The following CAMTA1 variants were observed in gnomAD, a reference collection of about 807,000 sequenced individuals.
CAMTA1 encodes calmodulin binding transcription activator 1.
In CAMTA1, 27 loss-of-function variants were observed where a neutral mutation model predicts 170.9. That is an observed-to-expected ratio of 0.16 (90% CI 0.12 to 0.22). The LOEUF (loss-of-function observed/expected upper bound fraction) is 0.22, where lower values mean the gene tolerates loss of function less well. Among genes scored for constraint, CAMTA1 ranks in the 10% least tolerant of loss-of-function variants. CAMTA1 has a pLI of 1.00. For missense variants in CAMTA1, 1,619 were observed against 2,217.2 expected (o/e 0.73, Z 5.42); for synonymous variants, 833 against 891.5 (o/e 0.93, Z 1.17).
chr1:6,941,766 G>A (rs1271847434), intron 3 of CAMTA1, among the ~76,000 whole-genome samples: 1 of 152,244 alleles, frequency 6.6e-6, no homozygotes, highest in Non-Finnish European at 1.5e-5. Context: ...GAAGGGTGGA[G>A]GCCGTACAGG....
chr1:6,866,097 G>A (rs994763579), intron 3 of CAMTA1, among the ~76,000 whole-genome samples: 9 of 152,202 alleles, frequency 5.9e-5, no homozygotes, highest in Admixed American at 5.9e-4. Flanking sequence ...GAGGGTATAT[G>A]TTGGGACTGG....
intron 3 of CAMTA1, among the ~76,000 whole-genome samples, chr1:7,027,771 G>A (rs1362607025): frequency 6.6e-6 from 1 of 152,188 alleles, no homozygotes; most frequent in African/African-American, 2.4e-5. Context: ...GTGGGATGCA[G>A]CCATCTGTCT....
intron 4 of CAMTA1, among the ~76,000 whole-genome samples, chr1:7,235,685 A>G (rs918168360): frequency 3.3e-5 from 5 of 152,224 alleles, no homozygotes; most frequent in Non-Finnish European, 5.9e-5. Flanking sequence ...GCTCTTCGGA[A>G]GCACCAGCTT....
intron 7 of CAMTA1, among the ~76,000 whole-genome samples, chr1:7,648,079 T>C (rs2095821916): frequency 1.3e-5 from 2 of 151,676 alleles, no homozygotes; most frequent in African/African-American, 4.9e-5. Flanking sequence ...AGCAAGACCT[T>C]GTCTAAAGAA....
intron 6 of CAMTA1, among the ~76,000 whole-genome samples, chr1:7,596,536 G>A (rs887073892): frequency 6.6e-6 from 1 of 152,194 alleles, no homozygotes; most frequent in Admixed American, 6.5e-5. Context: ...GCCCTGTGCT[G>A]TGGCCTTCCC....
At chr1:7,764,004 G>A (rs1240891110) in intron 22 of CAMTA1, among the ~76,000 whole-genome samples, 4 of 152,234 alleles carry the variant, frequency 2.6e-5, no homozygotes, top group Admixed American at 6.5e-5. Flanking sequence ...GTCCAGAAGC[G>A]AAGTTGGCAT....
intron 21 of CAMTA1, among the ~76,000 whole-genome samples, chr1:7,752,755 A>G (rs1486253533): frequency 6.6e-6 from 1 of 152,136 alleles, no homozygotes; most frequent in East Asian, 1.9e-4. Context: ...AACAATGGAG[A>G]TTCATGCCCG....
chr1:7,205,803 G>T (rs1182231869), intron 4 of CAMTA1, among the ~76,000 whole-genome samples: 1 of 152,114 alleles, frequency 6.6e-6, no homozygotes, highest in Non-Finnish European at 1.5e-5. Context: ...AGATCAAAAA[G>T]AAATTAACCC....
At chr1:7,599,322 A>G (rs1003157444) in intron 6 of CAMTA1, among the ~76,000 whole-genome samples, 2 of 152,206 alleles carry the variant, frequency 1.3e-5, no homozygotes, top group Admixed American at 1.3e-4. Flanking sequence ...TACCAGTACC[A>G]TGCTGTTTTG....
At chr1:7,450,152 C>T (rs749458316) in intron 5 of CAMTA1, among the ~76,000 whole-genome samples, 52 of 152,162 alleles carry the variant, frequency 3.4e-4, no homozygotes, top group Non-Finnish European at 6.6e-4. Context: ...GTCTGAATCC[C>T]TGTGGAATGT....
intron 5 of CAMTA1, among the ~76,000 whole-genome samples, chr1:7,416,482 C>T (rs1294543528): frequency 6.6e-6 from 1 of 152,106 alleles, no homozygotes; most frequent in East Asian, 1.9e-4. Context: ...TTTCTCTAAA[C>T]TTCTCTTCTC....
chr1:7,568,963 A>G (rs2095087108), intron 6 of CAMTA1, among the ~76,000 whole-genome samples: 2 of 151,180 alleles, frequency 1.3e-5, no homozygotes, highest in Admixed American at 6.6e-5. Flanking sequence ...CTCCATTATC[A>G]TCATCACCAC....
At chr1:7,552,494 G>A (rs907864087) in intron 6 of CAMTA1, among the ~76,000 whole-genome samples, 11 of 152,216 alleles carry the variant, frequency 7.2e-5, no homozygotes, top group African/African-American at 1.4e-4. Context: ...CTGTGTGTGC[G>A]CCTGACACAC....
rs1442477238 is a variant in CAMTA1 at position 7,591,403 on chromosome 1, A to G, written c.511-48997A>G. On this transcript the variant is annotated intron_variant, in intron 6 of 22. Transcript: ENST00000303635. ...AGCCCATTCCTTTGTGGTTGCACAG[A>G]GGGAATTTTAACAAGTTCTTGGATA... Among the ~76,000 whole-genome samples the G allele has an allele frequency of 5.9e-5, 9 of 152,368 alleles. No homozygotes were observed. In the East Asian group the frequency reaches 1.2e-3, roughly 20 times the overall value.
intron 6 of CAMTA1, among the ~76,000 whole-genome samples, chr1:7,630,182 C>T (rs1576483961): frequency 6.6e-6 from 1 of 152,222 alleles, no homozygotes; most frequent in Non-Finnish European, 1.5e-5. Context: ...CGGGCAGCGC[C>T]CCTCCAGGAT....
At chr1:6,919,144 C>T (rs1057181387) in intron 3 of CAMTA1, among the ~76,000 whole-genome samples, 1 of 152,232 alleles carries the variant, frequency 6.6e-6, no homozygotes, top group African/African-American at 2.4e-5. Context: ...AGCCGCCCTG[C>T]CTCTGACAGG....
intron 6 of CAMTA1, among the ~76,000 whole-genome samples, chr1:7,492,892 C>T (rs1446815664): frequency 1.3e-5 from 2 of 151,192 alleles, no homozygotes; most frequent in Non-Finnish European, 2.9e-5. Context: ...CAAACACAAA[C>T]CTACATACAC....
intron 4 of CAMTA1, among the ~76,000 whole-genome samples, chr1:7,135,831 G>A (rs1406704355): frequency 1.3e-5 from 2 of 152,116 alleles, no homozygotes; most frequent in African/African-American, 2.4e-5. Context: ...TCAAAACCCA[G>A]GAGTACCAGC....
chr1:7,015,506 T>G (rs561411253), intron 3 of CAMTA1, among the ~76,000 whole-genome samples: 1 of 152,320 alleles, frequency 6.6e-6, no homozygotes, highest in Admixed American at 6.5e-5. Flanking sequence ...GTGTTGACAT[T>G]TTTTTCAGTT....
Sources: allele counts gnomAD v4.1 joint callset (sites outside exome capture counted in the v4.1 genomes callset), GRCh38; gene constraint gnomAD v4.1.1; transcripts MANE v1.5; gene names NCBI Gene and HGNC (gene_info 2026-07-23, HGNC 2026-07-21).